The following RAP1GAP2 variants were observed in gnomAD, a reference collection of about 807,000 sequenced individuals.
RAP1GAP2 encodes RAP1 GTPase activating protein 2, also known as rap1 GTPase-activating protein 2.
In RAP1GAP2, 27 loss-of-function variants were observed where a neutral mutation model predicts 95.0. The observed-to-expected ratio is 0.28, with a 90% CI of 0.21 to 0.39. RAP1GAP2 has a LOEUF of 0.39. RAP1GAP2 is among the 10% of genes least tolerant of loss of function. The pLI is 1.00. For missense variants in RAP1GAP2, 771 were observed against 970.0 expected (o/e 0.79, Z 2.72); for synonymous variants, 373 against 380.9 (o/e 0.98, Z 0.24).
chr17:2,989,435 C>T (rs983832017), intron 11 of RAP1GAP2, among the ~76,000 whole-genome samples: 1 of 152,082 alleles, frequency 6.6e-6, no homozygotes, highest in African/African-American at 2.4e-5. Flanking sequence ...CGGGTTCCAG[C>T]GATTCTCCCA....
intron 3 of RAP1GAP2, among the ~76,000 whole-genome samples, chr17:2,933,178 G>A (rs2043209770): frequency 6.6e-6 from 1 of 152,270 alleles, no homozygotes; most frequent in African/African-American, 2.4e-5. Context: ...GGGTGAGCAA[G>A]TTGGAAAGCG....
At chr17:2,873,957 G>T (rs181095268) in intron 2 of RAP1GAP2, among the ~76,000 whole-genome samples, 2 of 151,404 alleles carry the variant, frequency 1.3e-5, no homozygotes, top group East Asian at 1.9e-4. Context: ...AGACGCGGTG[G>T]GGGGGGGCGG....
chr17:3,011,968 C>T (rs2151623984), intron 17 of RAP1GAP2, among the ~76,000 whole-genome samples: 1 of 152,210 alleles, frequency 6.6e-6, no homozygotes. Flanking sequence ...ACTGAGAATC[C>T]CCAGGGCTGA....
chr17:2,816,964 A>C (rs1236165364), intron 2 of RAP1GAP2, among the ~76,000 whole-genome samples: 2 of 101,422 alleles, frequency 2.0e-5, no homozygotes, highest in Admixed American at 9.9e-5. Context: ...TCCATGTTGT[A>C]GCGTGTGTCA....
At chr17:2,908,232 G>A (rs568908479) in intron 3 of RAP1GAP2, among the ~76,000 whole-genome samples, 2 of 152,326 alleles carry the variant, frequency 1.3e-5, no homozygotes, top group East Asian at 1.9e-4. Flanking sequence ...AAGAGGAACC[G>A]GAGGGAGATC....
Position 2,796,996 on chromosome 17 carries a change from T to C in RAP1GAP2, c.44+425T>C, listed in dbSNP as rs1396482521. Among the ~76,000 whole-genome samples the C allele has an allele frequency of 1.3e-5, 2 of 152,110 alleles. No individual in the cohort carries two copies. Among genetic ancestry groups the C allele is most frequent in the East Asian group, 3.9e-4 (2 of 5,192 alleles). On this transcript the variant is annotated intron_variant, in intron 1 of 24. Coordinates refer to ENST00000254695, the MANE Select transcript of RAP1GAP2 (RefSeq NM_015085.5). The surrounding 1 kb of genome is among the most constrained non-coding windows in gnomAD (Gnocchi z 4.7). ...AGTCCGTGTGACCGTGTGTGAGGTG[T>C]GTGCCTGTGCATGTGGGCAGCTGCC...
At chr17:2,795,796 T>G (rs947861376), upstream of RAP1GAP2, among the ~76,000 whole-genome samples, 2 of 151,954 alleles carry the variant, frequency 1.3e-5, no homozygotes, top group Non-Finnish European at 2.9e-5. Context: ...CTGTGTGAAG[T>G]GGTGTGTGGA....
intron 2 of RAP1GAP2, among the ~76,000 whole-genome samples, chr17:2,863,741 G>A (rs1260575412): frequency 6.6e-6 from 1 of 152,066 alleles, no homozygotes; most frequent in Non-Finnish European, 1.5e-5. Context: ...TGATGGATGG[G>A]GCTGAGTTAA....
chr17:2,971,746 G>A (rs1372569293), intron 8 of RAP1GAP2, among the ~76,000 whole-genome samples: 1 of 152,068 alleles, frequency 6.6e-6, no homozygotes, highest in Non-Finnish European at 1.5e-5. Context: ...GACCTTACAT[G>A]CTGCAGCTGC....
intron 2 of RAP1GAP2, among the ~76,000 whole-genome samples, chr17:2,877,111 A>T (rs138790215): frequency 1.3e-5 from 2 of 150,962 alleles, no homozygotes; most frequent in Non-Finnish European, 3.0e-5. Flanking sequence ...CTGGTCTCGA[A>T]CTCCTGACCT....
chr17:2,950,757 C>T (rs2043895221), intron 3 of RAP1GAP2, among the ~76,000 whole-genome samples: 1 of 151,794 alleles, frequency 6.6e-6, no homozygotes, highest in African/African-American at 2.4e-5. Flanking sequence ...ATTACAGGTG[C>T]CCGCCACCAT....
At chr17:2,788,314 G>A (rs764747144) in intron 1 of RAP1GAP2, among the ~76,000 whole-genome samples, 1 of 152,042 alleles carries the variant, frequency 6.6e-6, no homozygotes, top group Non-Finnish European at 1.5e-5. Flanking sequence ...TGTTTGCTTT[G>A]AGATAGAGAC....
upstream of RAP1GAP2, among the ~76,000 whole-genome samples, chr17:2,792,440 C>T (rs1201699594): frequency 6.6e-6 from 1 of 152,188 alleles, no homozygotes; most frequent in Non-Finnish European, 1.5e-5. Context: ...GATTAGGTAA[C>T]TTGCCCAAGG....
chr17:2,928,939 A>C (rs917629675), intron 3 of RAP1GAP2, among the ~76,000 whole-genome samples: 4 of 152,084 alleles, frequency 2.6e-5, no homozygotes. Flanking sequence ...TGGAGCTTCC[A>C]GGGTGGGGAG....
chr17:2,824,740 C>CAAAA (rs940171590), intron 2 of RAP1GAP2, among the ~76,000 whole-genome samples: 7 of 56,596 alleles, frequency 1.2e-4, no homozygotes, highest in Non-Finnish European at 2.7e-4. Context: ...AACTCTGTCT[C>CAAAA]AAAAAAAAAA....
chr17:2,933,822 T>TG (rs201459483), intron 3 of RAP1GAP2, among the ~76,000 whole-genome samples: 2,016 of 152,360 alleles, frequency 0.013, 42 homozygotes, highest in African/African-American at 0.045. Context: ...GGGGGAAGAC[T>TG]GGAAGTTTCA....
rs1321418054 is a variant in RAP1GAP2, at chr17:2,855,093, G to A, written c.81-50191G>A. On this transcript the variant is annotated intron_variant, in intron 2 of 24. Coordinates refer to ENST00000254695, the MANE Select transcript of RAP1GAP2 (RefSeq NM_015085.5). The surrounding 1 kb of genome is among the most constrained non-coding windows in gnomAD (Gnocchi z 4.3). Reference sequence around the variant, plus strand: ...CCACAGGTATGAACGTACCTGGGGTGGTGGTAGGCAGGGAATACGGGGGAC... The same window carrying A: ...CCACAGGTATGAACGTACCTGGGGTAGTGGTAGGCAGGGAATACGGGGGAC... Among the ~76,000 whole-genome samples the A allele has an allele frequency of 1.3e-5, 2 of 152,208 alleles. No individual in the cohort carries two copies. Among genetic ancestry groups the A allele is most frequent in the East Asian group, 3.8e-4 (2 of 5,200 alleles).
At chr17:2,862,326 A>G (rs533673288) in intron 2 of RAP1GAP2, among the ~76,000 whole-genome samples, 2 of 152,110 alleles carry the variant, frequency 1.3e-5, no homozygotes, top group African/African-American at 4.8e-5. Flanking sequence ...GCCAATATAT[A>G]TATTTTTCTA....
intron 17 of RAP1GAP2, among the ~76,000 whole-genome samples, chr17:3,012,479 G>A (rs2046583445): frequency 6.6e-6 from 1 of 151,682 alleles, no homozygotes; most frequent in African/African-American, 2.4e-5. Context: ...TCAGATGGGC[G>A]TGGTGGTGCA....
Sources: allele counts gnomAD v4.1 joint callset (sites outside exome capture counted in the v4.1 genomes callset), GRCh38; gene constraint gnomAD v4.1.1; non-coding constraint Gnocchi (gnomAD v3.1); transcripts MANE v1.5; gene names NCBI Gene and HGNC (gene_info 2026-07-23, HGNC 2026-07-21).